The following SNX29 variants were observed in gnomAD, a reference collection of about 807,000 sequenced individuals.
SNX29 encodes the protein sorting nexin 29, also known as sorting nexin-29.
A neutral mutation model predicts 102.1 loss-of-function variants in SNX29; 78 were observed. That is an observed-to-expected ratio of 0.76 (90% confidence interval 0.64 to 0.92). SNX29 has a LOEUF of 0.92. Ranked by LOEUF, SNX29 falls within the 40% of genes least tolerant of loss-of-function variation. SNX29 has a pLI of 0.00. For synonymous variants in SNX29, 580 were observed against 414.5 expected (o/e 1.40, Z -4.85); for missense variants, 1,280 against 1,061.7 (o/e 1.21, Z -2.86).
intron 4 of SNX29, among the ~76,000 whole-genome samples, chr16:12,040,199 T>C (rs1365905461): frequency 6.6e-6 from 1 of 151,988 alleles, no homozygotes. Flanking sequence ...TAGCAGAACC[T>C]CATCTCTACA....
rs771387963 is a variant in SNX29 at position 12,369,180 on chromosome 16, G to C, written c.1899+12901G>C. On this transcript the variant is annotated intron_variant, in intron 16 of 20. Coordinates refer to ENST00000566228, the MANE Select transcript of SNX29 (RefSeq NM_032167.5). The stretch of plus-strand genomic sequence containing the variant: ...AGACGGAGTTTTGCTCTGTCACTCA[G>C]ACTGGAGTGCAGTGGCTCGATCTCG... Among the ~76,000 whole-genome samples the C allele has an allele frequency of 2.0e-5, 3 of 151,486 alleles. No homozygotes were observed. In the South Asian group the frequency reaches 6.3e-4, roughly 32 times the overall value.
intron 20 of SNX29, among the ~76,000 whole-genome samples, chr16:12,550,627 G>C (rs1469000119): frequency 6.6e-6 from 1 of 151,854 alleles, no homozygotes; most frequent in Non-Finnish European, 1.5e-5. Context: ...CCTGTAGAAA[G>C]ACACATTAAA....
chr16:12,087,933 C>T (rs541643842), intron 11 of SNX29: 5 of 456,778 alleles, frequency 1.1e-5, no homozygotes, highest in African/African-American at 6.0e-5. Context: ...CTCTGCAATA[C>T]GCTTTTGAAG....
intron 14 of SNX29, among the ~76,000 whole-genome samples, chr16:12,231,230 C>A (rs2077759964): frequency 6.6e-6 from 1 of 152,016 alleles, no homozygotes; most frequent in African/African-American, 2.4e-5. Context: ...TGTAAAGGTC[C>A]CTGGATTGGG....
chr16:12,126,765 A>G (rs947239833), intron 12 of SNX29, 69 bp downstream of exon 12: 68 of 1,553,472 alleles, frequency 4.4e-5, no homozygotes, highest in Middle Eastern at 1.7e-4. Context: ...AAGACAGAAT[A>G]TAACAGATGA....
At chr16:12,154,358 G>A (rs188359729) in intron 13 of SNX29, among the ~76,000 whole-genome samples, 8 of 152,300 alleles carry the variant, frequency 5.3e-5, no homozygotes, top group Admixed American at 5.2e-4. Context: ...CCCCCACAGT[G>A]GGAGCTGGCT....
intron 1 of SNX29, among the ~76,000 whole-genome samples, chr16:11,985,004 T>A (rs886561657): frequency 1.1e-4 from 16 of 151,978 alleles, no homozygotes; most frequent in Admixed American, 9.8e-4. Flanking sequence ...CAGTGAACAT[T>A]TTTTTTTCAA....
chr16:12,415,801 C>T (rs1218401439), intron 18 of SNX29, among the ~76,000 whole-genome samples: 1 of 152,212 alleles, frequency 6.6e-6, no homozygotes. Flanking sequence ...CTGTGCTCCC[C>T]AACCCAGGCT....
At chr16:12,451,423 C>G (rs2086295121) in intron 18 of SNX29, among the ~76,000 whole-genome samples, 1 of 152,164 alleles carries the variant, frequency 6.6e-6, no homozygotes, top group Non-Finnish European at 1.5e-5. Flanking sequence ...TCCTCTTGTC[C>G]CCAACCATTT....
chr16:12,410,095 A>G (rs547306852), intron 18 of SNX29, among the ~76,000 whole-genome samples: 1 of 151,740 alleles, frequency 6.6e-6, no homozygotes, highest in Admixed American at 6.6e-5. Flanking sequence ...CCCGGGTTCA[A>G]GTGATTCTCC....
In SNX29 at chr16:12,263,474, C is replaced by T. The variant is rs2078840183; in HGVS notation, c.1679-14459C>T. Among the ~76,000 whole-genome samples, 3 of 152,194 alleles carry T rather than the reference C, an allele frequency of 2.0e-5. 1 individual carries two copies. The Middle Eastern group carries it at 0.01, about 518-fold the overall frequency. On this transcript the variant is annotated intron_variant, in intron 14 of 20. Coordinates refer to ENST00000566228, the MANE Select transcript of SNX29 (RefSeq NM_032167.5). ...TGGACCCGATGAGAGAGAATGAGCTCTCTAGAAATCTAACAGATTATCATA... is the reference window on the plus strand; with the variant it reads ...TGGACCCGATGAGAGAGAATGAGCTTTCTAGAAATCTAACAGATTATCATA...
intron 19 of SNX29, among the ~76,000 whole-genome samples, chr16:12,478,396 G>A (rs140904547): frequency 7.2e-5 from 11 of 152,196 alleles, no homozygotes; most frequent in African/African-American, 2.7e-4. Flanking sequence ...TCTCAGAGGA[G>A]TTTGTTGTTG....
chr16:12,370,063 A>C (rs1358979888), intron 16 of SNX29, among the ~76,000 whole-genome samples: 1 of 151,658 alleles, frequency 6.6e-6, no homozygotes, highest in Non-Finnish European at 1.5e-5. Context: ...TCTACTAAAA[A>C]TACGAAAAAG....
intron 18 of SNX29, among the ~76,000 whole-genome samples, chr16:12,461,921 A>C (rs1157531766): frequency 7.6e-6 from 1 of 132,202 alleles, no homozygotes; most frequent in Non-Finnish European, 1.6e-5. Flanking sequence ...GCGCCACTGC[A>C]CTCCAACCTG....
intron 14 of SNX29, among the ~76,000 whole-genome samples, chr16:12,200,324 T>C (rs1163795516): frequency 6.6e-6 from 1 of 152,092 alleles, no homozygotes; most frequent in East Asian, 1.9e-4. Context: ...GCTTCTAAAA[T>C]CTCCTAAAAT....
chr16:11,992,960 G>A (rs1025769125), intron 1 of SNX29, among the ~76,000 whole-genome samples: 3 of 151,960 alleles, frequency 2.0e-5, no homozygotes, highest in Admixed American at 1.3e-4. Flanking sequence ...TCAGGAGTTC[G>A]AGACCAGCCT....
chr16:12,359,342 T>C (rs2082235188), intron 16 of SNX29, among the ~76,000 whole-genome samples: 3 of 151,314 alleles, frequency 2.0e-5, no homozygotes, highest in Admixed American at 2.0e-4. Context: ...TACCTACCAA[T>C]ACCTTTTTGC....
Position 12,568,341 on chromosome 16 carries a change from G to A in SNX29, c.2319-165G>A, listed in dbSNP as rs559049401. The stretch of plus-strand genomic sequence containing the variant: ...AATGGAAAGGTTTACGTGACAATAG[G>A]GGTTTCTCATTTCTTCAGGTGGCAC... On this transcript the variant is annotated intron_variant, in intron 20 of 20. Transcript: ENST00000566228. Among the ~76,000 whole-genome samples, 13 of 151,348 alleles carry A rather than the reference G, an allele frequency of 8.6e-5. No homozygotes were observed. The South Asian group carries it at 2.3e-3, about 27-fold the overall frequency.
At chr16:12,455,531 C>T (rs994273884) in intron 18 of SNX29, among the ~76,000 whole-genome samples, 3 of 152,238 alleles carry the variant, frequency 2.0e-5, no homozygotes, top group Admixed American at 6.5e-5. Context: ...TTCCTTGTCT[C>T]TTCCCTCCCT....
Sources: gnomAD v4.1 joint callset for allele counts (sites outside exome capture counted in the v4.1 genomes callset) on GRCh38, gnomAD v4.1.1 for gene constraint, MANE v1.5 for transcripts, NCBI Gene and HGNC (gene_info 2026-07-23, HGNC 2026-07-21) for gene names.